The following CTTNBP2NL variants were observed in gnomAD, a reference collection of about 807,000 sequenced individuals.
CTTNBP2NL encodes CTTNBP2 N-terminal like, also known as CTTNBP2 N-terminal-like protein.
In CTTNBP2NL, 16 loss-of-function variants were observed where a neutral mutation model predicts 32.5. The observed-to-expected ratio is 0.49, with a 90% CI of 0.33 to 0.75. CTTNBP2NL has a LOEUF of 0.75. Among genes scored for constraint, CTTNBP2NL ranks in the 30% least tolerant of loss-of-function variants. CTTNBP2NL has a pLI of 0.02. For synonymous variants in CTTNBP2NL, 298 were observed against 289.4 expected, an observed-to-expected ratio of 1.03 and a Z score of -0.30; for missense variants, 645 against 756.0, an observed-to-expected ratio of 0.85 and a Z score of 1.72.
intron 4 of CTTNBP2NL, among the ~76,000 whole-genome samples, chr1:112,451,027 T>C (rs1307406207): frequency 6.6e-6 from 1 of 152,126 alleles, no homozygotes; most frequent in African/African-American, 2.4e-5. Context: ...CTGGTTTGAA[T>C]AATAAATTAC....
intron 3 of CTTNBP2NL, among the ~76,000 whole-genome samples, chr1:112,421,922 G>A (rs1649244290): frequency 6.6e-6 from 1 of 151,998 alleles, no homozygotes; most frequent in Admixed American, 6.6e-5. Context: ...TCATTGATTT[G>A]TTTATTATTC....
intron 4 of CTTNBP2NL, among the ~76,000 whole-genome samples, chr1:112,452,222 A>G (rs914573942): frequency 1.3e-5 from 2 of 151,508 alleles, no homozygotes; most frequent in Non-Finnish European, 2.9e-5. Flanking sequence ...TACAGTGGCT[A>G]TTAACAGGTG....
intron 2 of CTTNBP2NL, among the ~76,000 whole-genome samples, chr1:112,412,976 G>A (rs1175631): frequency 0.046 from 7,074 of 152,168 alleles, 517 homozygotes; most frequent in African/African-American, 0.16. Context: ...GTGTGCAGAA[G>A]TGATTTATAA....
chr1:112,442,785 T>C (rs1306637754), intron 3 of CTTNBP2NL, among the ~76,000 whole-genome samples: 3 of 151,850 alleles, frequency 2.0e-5, no homozygotes, highest in African/African-American at 4.8e-5. Context: ...CCGCCTCCCA[T>C]GTTCAAGCAA....
chr1:112,416,190 C>G lies in CTTNBP2NL; in HGVS notation c.25C>G (p.Pro9Ala), dbSNP rs1433722166. 1 of 1,607,384 alleles carries G rather than the reference C, an allele frequency of 6.2e-7. No homozygotes were observed. The highest frequency in any genetic ancestry group is 1.3e-5 in the African/African-American group (1 of 74,512). MNLEKLSKPELLTLFSILE... is the reference protein window; with the variant it reads MNLEKLSKAELLTLFSILE... Reference sequence around the variant, plus strand: ...GATGAATCTGGAAAAACTCAGCAAGCCTGAACTCCTGACACTATTTAGTAT... The same window carrying G: ...GATGAATCTGGAAAAACTCAGCAAGGCTGAACTCCTGACACTATTTAGTAT... Residue 9 changes from proline (P) to alanine (A), a missense_variant, in exon 3 of 6, where the codon CCT becomes GCT. Pro to Ala is a conservative substitution (Grantham distance 27, BLOSUM62 -1). Transcript: ENST00000271277.
intron 4 of CTTNBP2NL, among the ~76,000 whole-genome samples, chr1:112,452,447 C>T (rs1284766289): frequency 1.4e-5 from 2 of 147,146 alleles, no homozygotes; most frequent in South Asian, 2.1e-4. Flanking sequence ...TGGGTTCAAG[C>T]GATTCTCCTG....
At chr1:112,414,038 A>C (rs1158517709) in intron 2 of CTTNBP2NL, among the ~76,000 whole-genome samples, 1 of 151,608 alleles carries the variant, frequency 6.6e-6, no homozygotes, top group East Asian at 1.9e-4. Flanking sequence ...ACAAGAGCAA[A>C]ACTCTGTCTC....
intron 3 of CTTNBP2NL, 24 bp from the exon 4 acceptor site, chr1:112,448,918 C>T: frequency 7.2e-7 from 1 of 1,386,998 alleles, no homozygotes; most frequent in Non-Finnish European, 1.0e-6. Context: ...AAGCAAGATG[C>T]TTATTTTTTT....
chr1:112,399,722 G>T (rs1437444227), intron 1 of CTTNBP2NL, among the ~76,000 whole-genome samples: 2 of 152,180 alleles, frequency 1.3e-5, no homozygotes, highest in African/African-American at 4.8e-5. Context: ...AGTCTATGCT[G>T]GTTGGCCCCA....
chr1:112,445,455 A>G (rs554707474), intron 3 of CTTNBP2NL, among the ~76,000 whole-genome samples: 1 of 152,264 alleles, frequency 6.6e-6, no homozygotes, highest in Admixed American at 6.5e-5. Context: ...CATTAAGTTG[A>G]TTGAAAAATA....
Position 112,422,974 on chromosome 1 carries a change from A to T in CTTNBP2NL, c.99+6710A>T, listed in dbSNP as rs1401930827. On this transcript the variant is annotated intron_variant, in intron 3 of 5. Coordinates refer to ENST00000271277, the MANE Select transcript of CTTNBP2NL (RefSeq NM_018704.3). ...TGCCTGGCTAATTTTTAAAATTTTT[A>T]GTAGAAATGAGGTCTCACCATGTTG... Among the ~76,000 whole-genome samples, 9 of 152,108 alleles carry T rather than the reference A, an allele frequency of 5.9e-5. No individual in the cohort carries two copies. In the East Asian group the frequency reaches 1.7e-3, roughly 29 times the overall value.
intron 3 of CTTNBP2NL, among the ~76,000 whole-genome samples, chr1:112,421,310 CTTT>C (rs34750717): frequency 8.6e-6 from 1 of 115,934 alleles, no homozygotes; most frequent in Non-Finnish European, 1.7e-5. Context: ...CATTTCTTTT[CTTT>C]TTTTTTTTTT....
chr1:112,429,015 A>G (rs1649483936), intron 3 of CTTNBP2NL, among the ~76,000 whole-genome samples: 1 of 152,220 alleles, frequency 6.6e-6, no homozygotes, highest in Non-Finnish European at 1.5e-5. Flanking sequence ...TAAGCTATGG[A>G]ATCAGAAGCT....
chr1:112,408,688 AT>A (rs1367731209), intron 1 of CTTNBP2NL, among the ~76,000 whole-genome samples: 8 of 152,102 alleles, frequency 5.3e-5, no homozygotes, highest in Admixed American at 5.2e-4. Context: ...TTTTATTATT[AT>A]TTCATGTATA....
At chr1:112,436,047 T>A (rs1314466564) in intron 3 of CTTNBP2NL, among the ~76,000 whole-genome samples, 1 of 35,728 alleles carries the variant, frequency 2.8e-5, no homozygotes, top group African/African-American at 5.5e-5. Flanking sequence ...TCTCCTGTGA[T>A]TTTTTTTTTT....
At chr1:112,415,716 C>T (rs115142590) in intron 2 of CTTNBP2NL, 273 of 178,968 alleles carry the variant, frequency 1.5e-3, no homozygotes, top group Non-Finnish European at 2.4e-3. Flanking sequence ...CCCACCATGC[C>T]CGGCTAATGT....
intron 3 of CTTNBP2NL, among the ~76,000 whole-genome samples, chr1:112,418,107 CA>C (rs954970965): frequency 3.9e-5 from 6 of 152,094 alleles, no homozygotes; most frequent in Non-Finnish European, 5.9e-5. Context: ...TCCCTAGCTT[CA>C]AAATAGATTT....
intron 3 of CTTNBP2NL, among the ~76,000 whole-genome samples, chr1:112,432,601 C>G (rs1305683804): frequency 1.3e-5 from 2 of 151,634 alleles, no homozygotes; most frequent in Non-Finnish European, 2.9e-5. Flanking sequence ...AGAGTAATGC[C>G]ACTTGTACTC....
At chr1:112,398,300 A>G (rs1293143866) in intron 1 of CTTNBP2NL, among the ~76,000 whole-genome samples, 1 of 152,220 alleles carries the variant, frequency 6.6e-6, no homozygotes, top group African/African-American at 2.4e-5. Flanking sequence ...TAACCTTTTC[A>G]ACACCTGTTT....
Sources: allele counts gnomAD v4.1 joint callset (sites outside exome capture counted in the v4.1 genomes callset), GRCh38; gene constraint gnomAD v4.1.1; transcripts MANE v1.5; gene names NCBI Gene and HGNC (gene_info 2026-07-23, HGNC 2026-07-21).